Variants in GNG2 observed in about 807,000 individuals in gnomAD.
GNG2 encodes G protein subunit gamma 2, also known as guanine nucleotide-binding protein G(I)/G(S)/G(O) subunit gamma-2.
A neutral mutation model predicts 5.5 loss-of-function variants in GNG2; 5 were observed. The observed-to-expected ratio is 0.91, with a 90% confidence interval of 0.48 to 1.92. The LOEUF (loss-of-function observed/expected upper bound fraction) is 1.92. Among genes scored for constraint, GNG2 ranks in the 30% most tolerant of loss-of-function variants. The pLI is 0.01. For synonymous variants in GNG2, 28 were observed against 32.0 expected (o/e 0.88, Z 0.42); for missense variants, 55 against 88.4 (o/e 0.62, Z 1.52).
chr14:51,912,121 G>A (rs1886335909), intron 2 of GNG2, among the ~76,000 whole-genome samples: 1 of 150,840 alleles, frequency 6.6e-6, no homozygotes, highest in Admixed American at 6.6e-5. Flanking sequence ...TTGAGTAAAT[G>A]GCAGAACTGA....
At chr14:51,917,265 C>T in intron 2 of GNG2, 1 of 440,930 alleles carries the variant, frequency 2.3e-6, no homozygotes, top group African/African-American at 2.0e-5. Flanking sequence ...CAGCACACTT[C>T]CCAGTGAATC....
intron 3 of GNG2, among the ~76,000 whole-genome samples, chr14:51,951,501 T>G (rs1233641409): frequency 6.6e-6 from 1 of 152,168 alleles, no homozygotes; most frequent in Non-Finnish European, 1.5e-5. Context: ...CTGTTAACCA[T>G]CAAAACTTTA....
chr14:51,953,854 C>G (rs1889123218), intron 3 of GNG2, among the ~76,000 whole-genome samples: 1 of 152,228 alleles, frequency 6.6e-6, no homozygotes, highest in Non-Finnish European at 1.5e-5. Context: ...GGGCTTCTCT[C>G]TGAAGATCCC....
chr14:51,868,718 G>T (rs182889290), intron 1 of GNG2, among the ~76,000 whole-genome samples: 67 of 152,280 alleles, frequency 4.4e-4, no homozygotes, highest in Non-Finnish European at 7.8e-4. Context: ...TCACATACAT[G>T]TTCTGTAATC....
intron 2 of GNG2, among the ~76,000 whole-genome samples, chr14:51,829,771 G>C (rs899427217): frequency 6.6e-6 from 1 of 151,468 alleles, no homozygotes; most frequent in East Asian, 1.9e-4. Flanking sequence ...GACATCCACT[G>C]CTAAACCTAA....
chr14:51,838,401 A>T (rs1881397023), intron 2 of GNG2, among the ~76,000 whole-genome samples: 1 of 151,788 alleles, frequency 6.6e-6, no homozygotes, highest in African/African-American at 2.4e-5. Flanking sequence ...CCGAGATTGC[A>T]CCACTGCTCT....
intron 2 of GNG2, among the ~76,000 whole-genome samples, chr14:51,846,625 A>G (rs912426434): frequency 1.2e-4 from 19 of 152,330 alleles, no homozygotes; most frequent in African/African-American, 3.4e-4. Context: ...ACCCAGCTGA[A>G]TATTTCAGGT....
Position 51,968,524 on chromosome 14 carries a change from G to A in GNG2, c.*1837G>A, listed in dbSNP as rs1594975639. 6.6e-6 allele frequency: 1 copy of A among 152,116 alleles called. No individual in the cohort carries two copies. Among genetic ancestry groups the A allele is most frequent in the East Asian group, 1.9e-4 (1 of 5,200 alleles). The allele number at this position is 152,116 out of a possible 1,614,324, so 9.4% of individuals were successfully genotyped here. On this transcript the variant is annotated 3_prime_UTR_variant, in exon 4 of 4. Transcript: ENST00000556766. ...GCTCATGCTGGGGTCGGGGAGAAGAGGATACTGAAACATTTGTGAAATGTA... is the reference window on the plus strand; with the variant it reads ...GCTCATGCTGGGGTCGGGGAGAAGAAGATACTGAAACATTTGTGAAATGTA...
chr14:51,837,089 C>T (rs1200780771), intron 2 of GNG2, among the ~76,000 whole-genome samples: 2 of 151,920 alleles, frequency 1.3e-5, no homozygotes, highest in East Asian at 3.9e-4. Context: ...AAACTCCTGA[C>T]CTCAGGTGAT....
At position 51,966,628 on chromosome 14, in the gene GNG2, C is replaced by T. The variant is rs1441365658; in HGVS notation, c.157C>T (p.Pro53Ser). Residue 53 changes from proline (P) to serine (S), a missense_variant, in exon 4 of 4, where the codon CCT (proline) becomes TCT (serine). Physicochemically the swap from Pro to Ser is moderately conservative, Grantham distance 74. Transcript: ENST00000556766. The part of the protein sequence containing the change: ...AHAKEDPLLT[P>S]VPASENPFRE... ...TGCCAAGGAAGACCCCCTCCTGACC[C>T]CTGTTCCGGCTTCAGAAAACCCGTT... 1.2e-6 allele frequency: 2 copies of T among 1,613,530 alleles called. No individual in the cohort carries two copies. The highest frequency in any genetic ancestry group is 2.2e-5 in the East Asian group (1 of 44,876).
intron 3 of GNG2, among the ~76,000 whole-genome samples, chr14:51,958,512 C>A (rs902769116): frequency 6.7e-6 from 1 of 150,246 alleles, no homozygotes; most frequent in African/African-American, 2.4e-5. Context: ...TCACTGACAC[C>A]ACCAATTCCT....
intron 1 of GNG2, among the ~76,000 whole-genome samples, chr14:51,874,574 T>TA (rs1354193299): frequency 2.0e-5 from 3 of 151,058 alleles, no homozygotes; most frequent in Non-Finnish European, 4.4e-5. Context: ...CTACAGAAAA[T>TA]AAAAAAAATT....
intron 2 of GNG2, among the ~76,000 whole-genome samples, chr14:51,920,865 G>T (rs1199676360): frequency 1.3e-5 from 2 of 152,184 alleles, no homozygotes; most frequent in Admixed American, 1.3e-4. Flanking sequence ...TGGAAACATG[G>T]GAGCTGGGCT....
intron 2 of GNG2, 91 bp from the exon 3 acceptor site, chr14:51,950,559 A>G (rs2140284368): frequency 1.3e-6 from 1 of 766,790 alleles, no homozygotes. Context: ...GGCTACAGCC[A>G]CTGCTTTGAG....
Position 51,871,749 on chromosome 14 carries a change from T to C in GNG2, c.-70-5868T>C, listed in dbSNP as rs575918784. 5.9e-5 allele frequency among the ~76,000 whole-genome samples: 9 copies of C among 152,350 alleles called. No homozygotes were observed. In the South Asian group the frequency reaches 1.2e-3, roughly 21 times the overall value. On this transcript the variant is annotated intron_variant, in intron 1 of 3. Transcript: ENST00000556766. ...GATTGTTATGGCCCAACATTAATCA[T>C]AGGTGCTCAGACCTTGGAATAAGGC...
chr14:51,876,995 T>C (rs1883719202), intron 1 of GNG2, among the ~76,000 whole-genome samples: 1 of 152,194 alleles, frequency 6.6e-6, no homozygotes, highest in African/African-American at 2.4e-5. Flanking sequence ...GGAACCACAC[T>C]CGGCACTGGA....
At chr14:51,908,419 G>A (rs1886072494) in intron 2 of GNG2, among the ~76,000 whole-genome samples, 1 of 152,176 alleles carries the variant, frequency 6.6e-6, no homozygotes, top group African/African-American at 2.4e-5. Context: ...AGGCCCAAAT[G>A]CCTAGTTTTT....
At position 51,967,983 on chromosome 14, in the gene GNG2, A is replaced by G. The variant is rs1890019772; in HGVS notation, c.*1296A>G. ...TCTTTGGGCGGCAGGTGCGGTCCCC[A>G]CGGCCGGCTCTACGAGGAAGAGTTC... is the stretch of plus-strand genomic sequence containing the variant. On this transcript the variant is annotated 3_prime_UTR_variant, in exon 4 of 4. Coordinates refer to ENST00000556766, the MANE Select transcript of GNG2 (RefSeq NM_053064.5). 6.6e-6 allele frequency: 1 copy of G among 152,196 alleles called. No individual in the cohort carries two copies. The highest frequency in any genetic ancestry group is 6.5e-5 in the Admixed American group (1 of 15,278). The allele number at this position is 152,196 out of a possible 1,614,324, so 9.4% of individuals were successfully genotyped here.
chr14:51,963,602 T>G (rs1215062013), intron 3 of GNG2, among the ~76,000 whole-genome samples: 2 of 152,214 alleles, frequency 1.3e-5, no homozygotes, highest in Non-Finnish European at 2.9e-5. Context: ...ATAGAAGCAT[T>G]TCATAAAGAA....
Sources: allele counts gnomAD v4.1 joint callset (sites outside exome capture counted in the v4.1 genomes callset), GRCh38; gene constraint gnomAD v4.1.1; transcripts MANE v1.5; gene names NCBI Gene and HGNC (gene_info 2026-07-23, HGNC 2026-07-21).